The following CDYL variants were observed in gnomAD, a reference collection of about 807,000 sequenced individuals.
The protein encoded by CDYL is chromodomain Y like, also known as chromodomain Y-like protein.
Under a neutral mutation model 47.3 loss-of-function variants are expected in CDYL, and 8 were observed. The ratio of observed to expected loss-of-function variants is 0.17; its 90% CI spans 0.10 to 0.31. The LOEUF is 0.31. Ranked by LOEUF, CDYL falls within the 10% of genes least tolerant of loss-of-function variation. CDYL has a pLI of 1.00. For missense variants in CDYL, 471 were observed against 701.4 expected (o/e 0.67, Z 3.71); for synonymous variants, 266 against 265.0 (o/e 1.00, Z -0.04).
Position 4,725,017 on chromosome 6 carries a change from G to A in CDYL, c.103+9136G>A, listed in dbSNP as rs1413035719. ...GATTGGTCCGTTTTGACAGGGTACT[G>A]ATTGGTGCCTTTACAATCCCTGAGC... On this transcript the variant is annotated intron_variant, in intron 2 of 8. Transcript: ENST00000328908. The A allele has an allele frequency of 2.0e-5, 3 of 152,160 alleles. No homozygotes were observed. The East Asian group carries it at 5.8e-4, about 29-fold the overall frequency. The allele number at this position is 152,160 out of a possible 1,614,324, so 9.4% of individuals were successfully genotyped here.
intron 1 of CDYL, among the ~76,000 whole-genome samples, chr6:4,712,062 C>T (rs1343085810): frequency 6.6e-6 from 1 of 151,872 alleles, no homozygotes; most frequent in African/African-American, 2.4e-5. Context: ...AAGACCGTCT[C>T]AAAGAAACAA....
chr6:4,887,595 C>T (rs912822987), intron 1 of CDYL, among the ~76,000 whole-genome samples: 1 of 152,044 alleles, frequency 6.6e-6, no homozygotes, highest in Non-Finnish European at 1.5e-5. Flanking sequence ...TAATGGACTC[C>T]TTAAACTTTT....
At chr6:4,776,178 CCCGCCCCCGA>C (rs1426402009), upstream of CDYL, among the ~76,000 whole-genome samples, 3 of 844 alleles carry the variant, frequency 3.6e-3, no homozygotes, top group Non-Finnish European at 5.3e-3. Flanking sequence ...CGCTCGCGGC[CCCGCCCCCGA>C]CTGCCCCGCT....
At chr6:4,803,979 CTT>C (rs202116997) in intron 1 of CDYL, among the ~76,000 whole-genome samples, 1,535 of 132,998 alleles carry the variant, frequency 0.012, 39 homozygotes, top group African/African-American at 0.038. Context: ...GCGTAGCGTG[CTT>C]TTTTTTTTTT....
intron 3 of CDYL, among the ~76,000 whole-genome samples, chr6:4,752,331 G>A (rs1210646431): frequency 1.3e-5 from 2 of 152,062 alleles, no homozygotes; most frequent in Non-Finnish European, 2.9e-5. Flanking sequence ...TCCAAATAAA[G>A]GTCTTTTATA....
chr6:4,931,238 G>T (rs778137259), intron 2 of CDYL, among the ~76,000 whole-genome samples: 11 of 152,206 alleles, frequency 7.2e-5, no homozygotes, highest in Non-Finnish European at 1.2e-4. Context: ...CTCTTACACA[G>T]CTTGGTGGAG....
At chr6:4,794,594 GGA>G (rs1426760322) in intron 1 of CDYL, among the ~76,000 whole-genome samples, 1 of 152,090 alleles carries the variant, frequency 6.6e-6, no homozygotes, top group Non-Finnish European at 1.5e-5. Context: ...GGGAGGGCCA[GGA>G]GAGAGAGAGT....
intron 1 of CDYL, among the ~76,000 whole-genome samples, chr6:4,838,247 C>G (rs1048798255): frequency 6.6e-6 from 1 of 152,080 alleles, no homozygotes; most frequent in African/African-American, 2.4e-5. Context: ...GATTTTGGTG[C>G]ACCCATCACC....
At chr6:4,918,425 C>T (rs1183578905) in intron 2 of CDYL, among the ~76,000 whole-genome samples, 7 of 150,024 alleles carry the variant, frequency 4.7e-5, no homozygotes, top group Admixed American at 4.6e-4. Flanking sequence ...AAGGTTGTTG[C>T]TTTTTTCTCT....
chr6:4,761,140 A>G (rs1582319466), intron 3 of CDYL, among the ~76,000 whole-genome samples: 1 of 152,208 alleles, frequency 6.6e-6, no homozygotes, highest in Admixed American at 6.5e-5. Context: ...CATAAAAACT[A>G]TTTCTACAAC....
At chr6:4,754,265 G>A (rs1758041811) in intron 3 of CDYL, among the ~76,000 whole-genome samples, 1 of 152,240 alleles carries the variant, frequency 6.6e-6, no homozygotes, top group South Asian at 2.1e-4. Flanking sequence ...CCTTGGAGAT[G>A]ACACTCAACT....
At chr6:4,933,791 A>G (rs968515431) in intron 2 of CDYL, among the ~76,000 whole-genome samples, 6 of 152,176 alleles carry the variant, frequency 3.9e-5, no homozygotes, top group African/African-American at 1.4e-4. Flanking sequence ...GCTTGTAGAG[A>G]TTTGACAGCA....
rs1285974921 is a variant in CDYL, at chr6:4,789,648, T to C, written c.24+12841T>C. ...ATCAGAAAGCACCTGCCACTAAAAATTGTTGTAGAATCAGTTATCTGAACT... is the reference window on the plus strand; with the variant it reads ...ATCAGAAAGCACCTGCCACTAAAAACTGTTGTAGAATCAGTTATCTGAACT... On this transcript the variant is annotated intron_variant, in intron 1 of 6. Coordinates refer to ENST00000397588, the MANE Select transcript of CDYL (RefSeq NM_004824.4). Among the ~76,000 whole-genome samples, 8 of 152,286 alleles carry C rather than the reference T, an allele frequency of 5.3e-5. No individual in the cohort carries two copies. The East Asian group carries it at 1.3e-3, about 26-fold the overall frequency.
intron 3 of CDYL, among the ~76,000 whole-genome samples, chr6:4,758,351 A>AATAAATATATATATATATATATAT (rs1554134097): frequency 3.5e-3 from 451 of 128,958 alleles, no homozygotes; most frequent in Non-Finnish European, 5.9e-3. Flanking sequence ...AAAATAAATA[A>AATAAATATATATATATATATATAT]ATATATATAT....
At chr6:4,773,783 A>G (rs888941139), upstream of CDYL, among the ~76,000 whole-genome samples, 1 of 152,186 alleles carries the variant, frequency 6.6e-6, no homozygotes, top group Non-Finnish European at 1.5e-5. This position sits in a 1 kb window ranked among gnomAD's most constrained non-coding sequence, Gnocchi z 4.6. Flanking sequence ...GCTTTGTTTT[A>G]GAGGCTACTG....
chr6:4,803,733 ATTT>A (rs754188736), intron 1 of CDYL, among the ~76,000 whole-genome samples: 5 of 119,974 alleles, frequency 4.2e-5, no homozygotes, highest in African/African-American at 9.2e-5. Context: ...CACTTTCCTG[ATTT>A]TTTTTTTTTT....
chr6:4,731,006 T>A (rs9405771), intron 2 of CDYL, among the ~76,000 whole-genome samples: 21,500 of 152,168 alleles, frequency 0.14, 1,996 homozygotes, highest in African/African-American at 0.28. Context: ...GTTTGCTGCT[T>A]CTTTGCATGT....
intron 2 of CDYL, among the ~76,000 whole-genome samples, chr6:4,917,813 G>C (rs1175543579): frequency 2.0e-5 from 3 of 152,152 alleles, no homozygotes; most frequent in Admixed American, 2.0e-4. Flanking sequence ...CTTACTCTGG[G>C]TAATTACAGA....
At chr6:4,818,006 C>T (rs941611855) in intron 1 of CDYL, among the ~76,000 whole-genome samples, 2 of 152,224 alleles carry the variant, frequency 1.3e-5, no homozygotes, top group African/African-American at 2.4e-5. Flanking sequence ...CCTGTAATCC[C>T]AGAACTTTGG....
Sources: allele counts gnomAD v4.1 joint callset (sites outside exome capture counted in the v4.1 genomes callset), GRCh38; gene constraint gnomAD v4.1.1; non-coding constraint Gnocchi (gnomAD v3.1); transcripts MANE v1.5; gene names NCBI Gene and HGNC (gene_info 2026-07-23, HGNC 2026-07-21).